Variants in KCNK9 observed in about 807,000 individuals in gnomAD.
KCNK9 encodes the protein potassium two pore domain channel subfamily K member 9.
A neutral mutation model predicts 10.8 loss-of-function variants in KCNK9; 1 was observed. That is an observed-to-expected ratio of 0.09 (90% CI 0.03 to 0.44). The LOEUF (loss-of-function observed/expected upper bound fraction) is 0.44, where lower values mean the gene tolerates loss of function less well. Ranked by LOEUF, KCNK9 falls within the 20% of genes least tolerant of loss-of-function variation. The probability of loss-of-function intolerance (pLI) is 0.97; values close to 1 mark genes in which losing one functional copy is unlikely to be tolerated. For missense variants in KCNK9, 303 were observed against 515.0 expected (o/e 0.59, Z 3.98); for synonymous variants, 231 against 222.7 (o/e 1.04, Z -0.33).
At chr8:139,660,450 ATATATAT>A (rs143153451) in intron 1 of KCNK9, among the ~76,000 whole-genome samples, 19,337 of 126,220 alleles carry the variant, frequency 0.15, 2,413 homozygotes, top group East Asian at 0.66. Context: ...CTAAAAAAAA[ATATATAT>A]ATATATATAT....
In KCNK9 at chr8:139,635,740, G is replaced by GA. The variant is rs373609957; in HGVS notation, c.284-16642dup. On this transcript the variant is annotated intron_variant, in intron 1 of 1. Coordinates refer to ENST00000520439, the MANE Select transcript of KCNK9 (RefSeq NM_001282534.2). ...ACAAAAGAAAGCTAAAGAAGCAGGG[G>GA]AAAAAAAATCACCCACAACCCCCCC... Among the ~76,000 whole-genome samples, 19 of 151,978 alleles carry GA rather than the reference G, an allele frequency of 1.3e-4. No homozygotes were observed. The East Asian group carries it at 1.4e-3, about 11-fold the overall frequency.
At chr8:139,684,453 G>T (rs893047723) in intron 1 of KCNK9, among the ~76,000 whole-genome samples, 1 of 151,982 alleles carries the variant, frequency 6.6e-6, no homozygotes, top group Non-Finnish European at 1.5e-5. Context: ...TTGTTATAAG[G>T]CATGTCAAAA....
intron 1 of KCNK9, among the ~76,000 whole-genome samples, chr8:139,690,114 C>T (rs1816906923): frequency 6.6e-6 from 1 of 152,234 alleles, no homozygotes; most frequent in South Asian, 2.1e-4. Context: ...ACATACACAT[C>T]ACTAGCTAAC....
At chr8:139,627,374 C>T (rs1815010349) in intron 1 of KCNK9, among the ~76,000 whole-genome samples, 1 of 152,190 alleles carries the variant, frequency 6.6e-6, no homozygotes, top group African/African-American at 2.4e-5. Flanking sequence ...TGTAGGCACT[C>T]TGATGGTTTC....
chr8:139,619,297 C>T (rs80051361), intron 1 of KCNK9, among the ~76,000 whole-genome samples, 198 bp from the exon 2 acceptor site: 1,961 of 151,618 alleles, frequency 0.013, 47 homozygotes, highest in African/African-American at 0.046. Context: ...TCAGAAGTCA[C>T]ATGAGGTTAG....
At chr8:139,644,722 C>CCT (rs1554622192) in intron 1 of KCNK9, among the ~76,000 whole-genome samples, 1 of 144,728 alleles carries the variant, frequency 6.9e-6, no homozygotes, top group Non-Finnish European at 1.5e-5. Context: ...CTGTCCCCCC[C>CCT]CCCCAGAGCC....
chr8:139,618,328 C>A lies in KCNK9; in HGVS notation c.1055G>T (p.Ser352Ile), dbSNP rs774633097. 20 of 1,614,136 alleles carry A rather than the reference C, an allele frequency of 1.2e-5. No individual in the cohort carries two copies. The highest frequency in any genetic ancestry group is 1.6e-5 in the Non-Finnish European group (19 of 1,180,026). The change falls in exon 2 of 2, where the codon AGC becomes ATC. Residue 352 changes from serine (S) to isoleucine (I), a missense_variant. Physicochemically the swap from Ser to Ile is moderately radical, Grantham distance 142. Transcript: ENST00000520439. This position sits in a 1 kb window ranked among gnomAD's most constrained non-coding sequence, Gnocchi z 7.9. ...LKNSLFPSPI[S>I]SISPGLHSFT... is the part of the protein sequence containing the mutation. Reference sequence around the variant, plus strand: ...GCTGTGTAACCCAGGAGAGATGGAGCTAATAGGCGATGGGAAGAGGCTGTT... The same window carrying A: ...GCTGTGTAACCCAGGAGAGATGGAGATAATAGGCGATGGGAAGAGGCTGTT...
At chr8:139,622,089 T>C (rs1476727304) in intron 1 of KCNK9, among the ~76,000 whole-genome samples, 2 of 152,186 alleles carry the variant, frequency 1.3e-5, no homozygotes, top group Non-Finnish European at 2.9e-5. Context: ...CCTGCCGTCT[T>C]ACTACAGCAT....
intron 1 of KCNK9, among the ~76,000 whole-genome samples, chr8:139,654,350 C>G (rs944088817): frequency 6.6e-6 from 1 of 152,222 alleles, no homozygotes; most frequent in Non-Finnish European, 1.5e-5. Context: ...AGCTGCTGAA[C>G]AGGACGCTGG....
intron 1 of KCNK9, among the ~76,000 whole-genome samples, chr8:139,620,695 TC>T (rs951899134): frequency 6.6e-6 from 1 of 151,868 alleles, no homozygotes; most frequent in Non-Finnish European, 1.5e-5. Flanking sequence ...CAGAAGGCCT[TC>T]CCCCCATCCT....
chr8:139,640,571 G>C (rs1009090727), intron 1 of KCNK9, among the ~76,000 whole-genome samples: 2 of 152,154 alleles, frequency 1.3e-5, no homozygotes, highest in African/African-American at 4.8e-5. Context: ...TACTTTCTTT[G>C]ATGTGTCCCA....
intron 1 of KCNK9, among the ~76,000 whole-genome samples, chr8:139,629,948 T>C (rs989356128): frequency 1.3e-5 from 2 of 151,800 alleles, no homozygotes; most frequent in Non-Finnish European, 2.9e-5. Flanking sequence ...TCCATAACCC[T>C]GAGTGACAGA....
chr8:139,643,841 C>T (rs116816353), intron 1 of KCNK9, among the ~76,000 whole-genome samples: 2,557 of 152,270 alleles, frequency 0.017, 64 homozygotes, highest in African/African-American at 0.056. Flanking sequence ...CAGGTAGGCC[C>T]GCAGGTTCAG....
intron 1 of KCNK9, among the ~76,000 whole-genome samples, chr8:139,626,639 G>A (rs948483747): frequency 2.0e-5 from 3 of 152,212 alleles, no homozygotes; most frequent in Non-Finnish European, 4.4e-5. Flanking sequence ...CTGTCATGCA[G>A]GTGAGGGGTA....
chr8:139,630,993 G>A (rs1167932246), intron 1 of KCNK9, among the ~76,000 whole-genome samples: 1 of 152,196 alleles, frequency 6.6e-6, no homozygotes. Flanking sequence ...CAGGGGCTCC[G>A]CTCCCTGCAA....
chr8:139,630,461 C>G (rs1448469742), intron 1 of KCNK9, among the ~76,000 whole-genome samples: 1 of 152,150 alleles, frequency 6.6e-6, no homozygotes, highest in Non-Finnish European at 1.5e-5. Flanking sequence ...AGCCCCTAAT[C>G]CTAGAGCCAC....
chr8:139,684,874 T>C (rs1212728674), intron 1 of KCNK9, among the ~76,000 whole-genome samples: 1 of 151,912 alleles, frequency 6.6e-6, no homozygotes, highest in Non-Finnish European at 1.5e-5. Flanking sequence ...AGCAAATGAG[T>C]GAGATGACCT....
At chr8:139,655,123 C>T (rs533645865) in intron 1 of KCNK9, among the ~76,000 whole-genome samples, 1 of 152,206 alleles carries the variant, frequency 6.6e-6, no homozygotes, top group East Asian at 1.9e-4. Flanking sequence ...CCCCCACTCC[C>T]CTCCCTCAGA....
intron 1 of KCNK9, among the ~76,000 whole-genome samples, chr8:139,630,473 C>A (rs1345649498): frequency 2.0e-5 from 3 of 152,194 alleles, no homozygotes; most frequent in Non-Finnish European, 4.4e-5. Context: ...TAGAGCCACA[C>A]AGCAGCAACA....
Sources: gnomAD v4.1 joint callset for allele counts (sites outside exome capture counted in the v4.1 genomes callset) on GRCh38, gnomAD v4.1.1 for gene constraint, Gnocchi (gnomAD v3.1) non-coding constraint, MANE v1.5 for transcripts, NCBI Gene and HGNC (gene_info 2026-07-23, HGNC 2026-07-21) for gene names.